Variants in CYP7B1 observed in about 807,000 individuals in gnomAD.
CYP7B1 encodes the protein cytochrome P450 family 7 subfamily B member 1.
CYP7B1 carries 29 observed loss-of-function variants against 42.7 expected under a neutral mutation model. That is an observed-to-expected ratio of 0.68 (90% CI 0.51 to 0.93). CYP7B1 has a LOEUF of 0.93. CYP7B1 is among the 40% of genes least tolerant of loss of function. The pLI, the probability that CYP7B1 is intolerant of heterozygous loss-of-function variation, is 0.00. For missense variants in CYP7B1, 655 were observed against 600.5 expected (o/e 1.09, Z -0.95); for synonymous variants, 235 against 218.2 (o/e 1.08, Z -0.68).
intron 1 of CYP7B1, among the ~76,000 whole-genome samples, chr8:64,636,832 G>A (rs563298424): frequency 2.0e-5 from 3 of 152,244 alleles, no homozygotes; most frequent in African/African-American, 4.8e-5. Flanking sequence ...GGGGGAAGTC[G>A]ATTCATAACT....
chr8:64,715,179 T>G (rs971621338), intron 1 of CYP7B1, among the ~76,000 whole-genome samples: 2 of 152,248 alleles, frequency 1.3e-5, no homozygotes, highest in Non-Finnish European at 2.9e-5. Flanking sequence ...AAAGTGGGCA[T>G]CTTACTACGT....
At chr8:64,723,406 A>G (rs970010690) in intron 1 of CYP7B1, among the ~76,000 whole-genome samples, 2 of 152,228 alleles carry the variant, frequency 1.3e-5, no homozygotes, top group East Asian at 3.8e-4. Flanking sequence ...CAAATGCCCA[A>G]TAAGTAAAAT....
At chr8:64,790,699 C>A (rs1417626024) in intron 1 of CYP7B1, among the ~76,000 whole-genome samples, 2 of 152,146 alleles carry the variant, frequency 1.3e-5, no homozygotes, top group African/African-American at 4.8e-5. Context: ...AGAGTGTTTA[C>A]AATATCTGAT....
intron 1 of CYP7B1, among the ~76,000 whole-genome samples, chr8:64,666,853 T>G (rs1376925778): frequency 6.6e-6 from 1 of 152,232 alleles, no homozygotes; most frequent in Non-Finnish European, 1.5e-5. Flanking sequence ...AATAAAGTTG[T>G]GTTAAGGTAG....
chr8:64,732,190 A>C (rs1315757065), intron 1 of CYP7B1, among the ~76,000 whole-genome samples: 2 of 152,118 alleles, frequency 1.3e-5, no homozygotes, highest in Non-Finnish European at 2.9e-5. Flanking sequence ...GAAAAGCCAC[A>C]CCCAGTCAAG....
intron 5 of CYP7B1, 22 bp from the exon 6 acceptor site, chr8:64,596,951 A>C: frequency 6.3e-7 from 1 of 1,584,454 alleles, no homozygotes; most frequent in Non-Finnish European, 8.6e-7. Context: ...AATAGTGTTA[A>C]AATTAACATT....
chr8:64,613,286 A>T (rs1489763949), intron 4 of CYP7B1, among the ~76,000 whole-genome samples: 1 of 152,200 alleles, frequency 6.6e-6, no homozygotes, highest in African/African-American at 2.4e-5. Flanking sequence ...GATTCAAATT[A>T]TAGTTCTAGA....
intron 1 of CYP7B1, among the ~76,000 whole-genome samples, chr8:64,796,129 A>T (rs1443689225): frequency 6.6e-6 from 1 of 152,242 alleles, no homozygotes; most frequent in African/African-American, 2.4e-5. Context: ...AAATCTCTCA[A>T]TGTGATAATG....
In CYP7B1 at chr8:64,677,882, G is replaced by A. The variant is rs150679691; in HGVS notation, c.123-53343C>T. On this transcript the variant is annotated intron_variant, in intron 1 of 5. Coordinates refer to ENST00000310193, the MANE Select transcript of CYP7B1 (RefSeq NM_004820.5). ...TGTTCTCATTGTTGTTATTATTACT[G>A]AGGAGTCAGATTCAGCTCATTGCTG... Among the ~76,000 whole-genome samples, 21 of 152,028 alleles carry A rather than the reference G, an allele frequency of 1.4e-4. No homozygotes were observed. The East Asian group carries it at 2.5e-3, about 18-fold the overall frequency.
chr8:64,656,813 C>G (rs939995706), intron 1 of CYP7B1, among the ~76,000 whole-genome samples: 1 of 152,106 alleles, frequency 6.6e-6, no homozygotes, highest in Non-Finnish European at 1.5e-5. Flanking sequence ...TTTATAATAA[C>G]GTGATGTTAC....
At chr8:64,721,713 T>A (rs145691323) in intron 1 of CYP7B1, among the ~76,000 whole-genome samples, 2 of 152,274 alleles carry the variant, frequency 1.3e-5, no homozygotes, top group East Asian at 1.9e-4. Flanking sequence ...TTTGTATAGA[T>A]GAAAATATTT....
chr8:64,665,901 A>T (rs533660153), intron 1 of CYP7B1, among the ~76,000 whole-genome samples: 2 of 152,216 alleles, frequency 1.3e-5, no homozygotes, highest in South Asian at 4.1e-4. Flanking sequence ...TCTCTTGGCA[A>T]CTTTTTACGA....
chr8:64,672,452 C>G (rs527426738), intron 1 of CYP7B1, among the ~76,000 whole-genome samples: 2 of 152,226 alleles, frequency 1.3e-5, no homozygotes, highest in East Asian at 3.9e-4. Flanking sequence ...TCTCCTCCTT[C>G]AAAGCAAAAA....
rs1431770692 is a variant in CYP7B1, at chr8:64,769,566, C to A, written c.122+28900G>T. ...TTACCCCGTCCTAAGCCTCCATGCC[C>A]AATTAAATTTTAATTGTGTGACCTT... On this transcript the variant is annotated intron_variant, in intron 1 of 5. Transcript: ENST00000310193. Among the ~76,000 whole-genome samples, 3 of 152,108 alleles carry A rather than the reference C, an allele frequency of 2.0e-5. No individual in the cohort carries two copies. In the East Asian group the frequency reaches 5.8e-4, roughly 29 times the overall value.
intron 5 of CYP7B1, among the ~76,000 whole-genome samples, chr8:64,600,662 A>C (rs770293369): frequency 4.6e-5 from 7 of 152,250 alleles, no homozygotes; most frequent in Admixed American, 1.3e-4. Flanking sequence ...GAGTGTGCAC[A>C]TCTCTTAGTG....
intron 1 of CYP7B1, among the ~76,000 whole-genome samples, chr8:64,778,613 C>A (rs1483166993): frequency 2.0e-5 from 3 of 152,090 alleles, no homozygotes; most frequent in Admixed American, 6.6e-5. Context: ...GAGAAACACA[C>A]TAAACTGTCT....
chr8:64,742,997 T>G (rs1807592420), intron 1 of CYP7B1, among the ~76,000 whole-genome samples: 1 of 152,214 alleles, frequency 6.6e-6, no homozygotes, highest in Admixed American at 6.5e-5. Context: ...ATTGCTACTT[T>G]GACTAACAGG....
chr8:64,766,021 C>T (rs7459798), intron 1 of CYP7B1, among the ~76,000 whole-genome samples: 5 of 152,120 alleles, frequency 3.3e-5, no homozygotes, highest in Non-Finnish European at 5.9e-5. Flanking sequence ...TAACTGCAGC[C>T]TGAGAGTTTG....
intron 1 of CYP7B1, among the ~76,000 whole-genome samples, chr8:64,666,899 G>T (rs1421506569): frequency 1.3e-5 from 2 of 152,140 alleles, no homozygotes; most frequent in South Asian, 2.1e-4. Flanking sequence ...ATGTGAAAAT[G>T]TACCTACCCT....
Sources: gnomAD v4.1 joint callset for allele counts (sites outside exome capture counted in the v4.1 genomes callset) on GRCh38, gnomAD v4.1.1 for gene constraint, MANE v1.5 for transcripts, NCBI Gene and HGNC (gene_info 2026-07-23, HGNC 2026-07-21) for gene names.